The following DST variants were observed in gnomAD, a reference collection of about 807,000 sequenced individuals.
The protein encoded by DST is bullous pemphigoid antigen.
DST carries 253 observed loss-of-function variants against 875.2 expected under a neutral mutation model. That is an observed-to-expected ratio of 0.29 (90% confidence interval 0.26 to 0.32). DST has a LOEUF of 0.32. Ranked by LOEUF, DST falls within the 10% of genes least tolerant of loss-of-function variation. The probability of loss-of-function intolerance (pLI) is 1.00; values close to 1 mark genes in which losing one functional copy is unlikely to be tolerated. For missense variants in DST, 8,287 were observed against 9,111.6 expected, an observed-to-expected ratio of 0.91 and a Z score of 3.68; for synonymous variants, 3,124 against 3,197.1, an observed-to-expected ratio of 0.98 and a Z score of 0.77.
intron 32 of DST, among the ~76,000 whole-genome samples, 185 bp from the exon 33 acceptor site, chr6:56,628,346 A>T (rs1036201429): frequency 6.6e-6 from 1 of 152,218 alleles, no homozygotes; most frequent in Non-Finnish European, 1.5e-5. Flanking sequence ...TATTGGGTTG[A>T]ATATAAACAT....
intron 72 of DST, among the ~76,000 whole-genome samples, chr6:56,513,510 G>A (rs61417957): frequency 0.036 from 5,381 of 149,704 alleles, 301 homozygotes; most frequent in African/African-American, 0.13. Context: ...GATTACAGGC[G>A]TGAGTCACCA....
chr6:56,843,205 C>A lies in DST; in HGVS notation c.625+8192G>T, dbSNP rs547186256. On this transcript the variant is annotated intron_variant, in intron 4 of 103. Coordinates refer to ENST00000680361, the MANE Select transcript of DST (RefSeq NM_001374736.1). ...CCCTCTCCCCCTCGTAACCCCCGGA[C>A]AGTATCGCAGTCAGCAAGACACAGC... The A allele has an allele frequency of 4.3e-5, 61 of 1,427,756 alleles. 2 individuals carry two copies. The South Asian group carries it at 9.7e-4, about 23-fold the overall frequency. The allele number at this position is 1,427,756 out of a possible 1,614,324, so 88.4% of individuals were successfully genotyped here.
At chr6:56,561,286 T>C (rs774419627) in intron 57 of DST, 22 bp downstream of exon 57, 21 of 1,592,236 alleles carry the variant, frequency 1.3e-5, no homozygotes, top group Middle Eastern at 1.7e-4. Flanking sequence ...ATGTCTTCCA[T>C]AGGTGCACCC....
At chr6:56,812,961 A>G (rs926843954) in intron 4 of DST, among the ~76,000 whole-genome samples, 1 of 151,928 alleles carries the variant, frequency 6.6e-6, no homozygotes, top group Non-Finnish European at 1.5e-5. Context: ...ACTATTCACA[A>G]TAGCAAAGAC....
intron 2 of DST, among the ~76,000 whole-genome samples, chr6:56,920,977 C>G (rs1803921765): frequency 7.0e-6 from 1 of 142,748 alleles, no homozygotes; most frequent in Non-Finnish European, 1.5e-5. Flanking sequence ...CTCCTAGGCT[C>G]AAGAGATCTT....
chr6:56,890,248 C>G (rs1786728808), intron 3 of DST, among the ~76,000 whole-genome samples: 2 of 152,170 alleles, frequency 1.3e-5, no homozygotes, highest in African/African-American at 2.4e-5. Flanking sequence ...GAGAGAAAAA[C>G]AGAGAAGAGT....
intron 88 of DST, 156 bp downstream of exon 88, chr6:56,485,156 G>C (rs1180741161): frequency 1.3e-6 from 1 of 755,216 alleles, no homozygotes; most frequent in African/African-American, 1.8e-5. Context: ...TTGCTTCCAG[G>C]TTCTGCTCAA....
Position 56,603,228 on chromosome 6 carries a change from TG to T in DST, c.11133del (p.Met3712CysfsTer11). On this transcript the variant is annotated frameshift_variant, in exon 42 of 104. Coordinates refer to ENST00000680361, the MANE Select transcript of DST (RefSeq NM_001374736.1). LOFTEE classifies it high-confidence loss of function. ...SNVSSERTKQ[I>X]MLAIDSEMSK... The stretch of plus-strand genomic sequence containing the variant: ...ACCATTTCAGAGTCGATCGCAAGCA[TG>T]ATCTGTTTCGTTCTTTCTGAAGACA... The T allele has an allele frequency of 6.2e-7, 1 of 1,604,248 alleles. No individual in the cohort carries two copies. The highest frequency in any genetic ancestry group is 8.5e-7 in the Non-Finnish European group (1 of 1,174,934).
chr6:56,522,189 T>C (rs930013650), intron 69 of DST, among the ~76,000 whole-genome samples: 1 of 152,236 alleles, frequency 6.6e-6, no homozygotes, highest in South Asian at 2.1e-4. Context: ...GTGCTTAACA[T>C]GCAATACCTC....
chr6:56,466,383 A>C lies in DST; in HGVS notation c.22570-188T>G, dbSNP rs1582126897. On this transcript the variant is annotated intron_variant, in intron 98 of 103. Coordinates refer to ENST00000680361, the MANE Select transcript of DST (RefSeq NM_001374736.1). ...GACGGCTGCATGCTGATTTAGCCCAAAGGAAACAGTTTGAAAAAAAAAAGA... is the reference window on the plus strand; with the variant it reads ...GACGGCTGCATGCTGATTTAGCCCACAGGAAACAGTTTGAAAAAAAAAAGA... 4 of 397,778 alleles carry C rather than the reference A, an allele frequency of 1.0e-5. No individual in the cohort carries two copies. In the East Asian group the frequency reaches 1.4e-4, roughly 14 times the overall value. The allele number at this position is 397,778 out of a possible 1,614,324, so 24.6% of individuals were successfully genotyped here.
At chr6:56,835,714 C>T (rs953980621) in intron 4 of DST, among the ~76,000 whole-genome samples, 1 of 152,162 alleles carries the variant, frequency 6.6e-6, no homozygotes, top group African/African-American at 2.4e-5. Context: ...ACACCAAAAT[C>T]AAGAAAATAC....
At chr6:56,947,179 A>C (rs1819966487) in intron 2 of DST, among the ~76,000 whole-genome samples, 1 of 152,046 alleles carries the variant, frequency 6.6e-6, no homozygotes, top group South Asian at 2.1e-4. Flanking sequence ...CCTGGGTGAA[A>C]GAAGAGTGAT....
intron 39 of DST, among the ~76,000 whole-genome samples, chr6:56,610,041 G>A (rs77015221): frequency 1.4e-3 from 214 of 152,234 alleles, no homozygotes; most frequent in African/African-American, 4.6e-3. Flanking sequence ...TAAGTCTCAT[G>A]GATATCTCTG....
At chr6:56,954,208 G>T (rs970890514) in intron 1 of DST, among the ~76,000 whole-genome samples, 199 bp downstream of exon 1, 10 of 152,132 alleles carry the variant, frequency 6.6e-5, no homozygotes, top group Non-Finnish European at 1.3e-4. Flanking sequence ...CATCGCCGTG[G>T]TTATTCAAAC....
chr6:56,535,556 C>G lies in DST; in HGVS notation c.16771-264G>C, dbSNP rs146628034. On this transcript the variant is annotated intron_variant, in intron 62 of 103. Transcript: ENST00000680361. The stretch of plus-strand genomic sequence containing the variant: ...TTGGAGGTTTTTGGATTGTCTAATA[C>G]GTTTTATGATTAGCAATGAATGATT... Among the ~76,000 whole-genome samples the G allele has an allele frequency of 2.6e-5, 4 of 152,052 alleles. No individual in the cohort carries two copies. In the South Asian group the frequency reaches 8.3e-4, roughly 32 times the overall value.
At position 56,509,554 on chromosome 6, in the gene DST, G is replaced by A. The variant is rs1445178212; in HGVS notation, c.19012+88C>T. ...ATTTGTAGTATCTTTTTTAAGATGC[G>A]GCATTTTGTTATCCAATTGGACGGT... is the stretch of plus-strand genomic sequence containing the variant. On this transcript the variant is annotated intron_variant, in intron 74 of 103. Transcript: ENST00000680361. 2.5e-5 allele frequency: 24 copies of A among 968,618 alleles called. No homozygotes were observed. In the South Asian group the frequency reaches 2.7e-4, roughly 11 times the overall value. The allele number at this position is 968,618 out of a possible 1,614,324, so 60.0% of individuals were successfully genotyped here. A position where few individuals can be genotyped will look rare whatever the true frequency, so the allele number is the denominator to read the frequency against.
intron 69 of DST, among the ~76,000 whole-genome samples, chr6:56,522,197 C>CTGACAGCTTTA (rs2096720397): frequency 6.6e-6 from 1 of 152,122 alleles, no homozygotes; most frequent in Non-Finnish European, 1.5e-5. Context: ...CATGCAATAC[C>CTGACAGCTTTA]TCCTTTAATC....
chr6:56,842,070 ATTG>A lies in DST; in HGVS notation c.625+9324_625+9326del, dbSNP rs201111681. ...GGGCTTTTTGGGGCTTTGGAATTTTATTGTTTAGTTCAATTTTTTTTTATTTCT... is the reference window on the plus strand; with the variant it reads ...GGGCTTTTTGGGGCTTTGGAATTTTATTTAGTTCAATTTTTTTTTATTTCT... On this transcript the variant is annotated intron_variant, in intron 4 of 103. Coordinates refer to ENST00000680361, the MANE Select transcript of DST (RefSeq NM_001374736.1). Among the ~76,000 whole-genome samples, 1,382 of 150,834 alleles carry A rather than the reference ATTG, an allele frequency of 9.2e-3. 18 individuals are homozygous for A. Among genetic ancestry groups the A allele is most frequent in the African/African-American group, 0.031 (1,270 of 41,498 alleles).
intron 2 of DST, among the ~76,000 whole-genome samples, chr6:56,904,216 G>C (rs577512404): frequency 4.7e-4 from 72 of 152,306 alleles, no homozygotes; most frequent in African/African-American, 1.7e-3. Context: ...AAATCAGGTG[G>C]AAATAGGAAA....
Sources: gnomAD v4.1 joint callset for allele counts (sites outside exome capture counted in the v4.1 genomes callset) on GRCh38, gnomAD v4.1.1 for gene constraint, MANE v1.5 for transcripts, NCBI Gene and HGNC (gene_info 2026-07-23, HGNC 2026-07-21) for gene names.